The following RARB variants were observed in gnomAD, a reference collection of about 807,000 sequenced individuals.
The protein encoded by RARB is retinoic acid receptor beta.
In RARB, 17 loss-of-function variants were observed where a neutral mutation model predicts 51.9. The ratio of observed to expected loss-of-function variants is 0.33; its 90% CI spans 0.22 to 0.49. RARB has a LOEUF of 0.49. Ranked by LOEUF, RARB falls within the 20% of genes least tolerant of loss-of-function variation. The probability of loss-of-function intolerance (pLI) is 0.99; values close to 1 mark genes in which losing one functional copy is unlikely to be tolerated. For synonymous variants in RARB, 215 were observed against 195.4 expected (o/e 1.10, Z -0.84); for missense variants, 369 against 550.8 (o/e 0.67, Z 3.30).
intron 5 of RARB, among the ~76,000 whole-genome samples, chr3:25,204,906 C>T (rs993023193): frequency 9.2e-5 from 14 of 152,190 alleles, no homozygotes; most frequent in African/African-American, 3.4e-4. Context: ...TGTTCATTCT[C>T]AGATCTCAAG....
intron 2 of RARB, among the ~76,000 whole-genome samples, chr3:25,015,770 G>A (rs1427570330): frequency 6.6e-6 from 1 of 152,174 alleles, no homozygotes; most frequent in Admixed American, 6.5e-5. Context: ...CTATATGCAT[G>A]TGAATATGAA....
chr3:24,918,364 A>T (rs755278163), intron 2 of RARB, among the ~76,000 whole-genome samples: 38 of 152,218 alleles, frequency 2.5e-4, no homozygotes, highest in Non-Finnish European at 4.4e-4. Context: ...GAAAATGCAG[A>T]TCTATAGAGG....
At chr3:25,321,609 C>T (rs964505184) in intron 5 of RARB, among the ~76,000 whole-genome samples, 16 of 151,610 alleles carry the variant, frequency 1.1e-4, no homozygotes, top group African/African-American at 2.9e-4. Flanking sequence ...CCCAGCTACT[C>T]GGGAGGCTGA....
intron 5 of RARB, among the ~76,000 whole-genome samples, chr3:25,200,820 T>G (rs1034507313): frequency 1.3e-5 from 2 of 152,214 alleles, no homozygotes; most frequent in African/African-American, 4.8e-5. Flanking sequence ...TTGGTACCAG[T>G]ACCATACTGT....
At chr3:25,092,474 GTC>G (rs1219502119) in intron 3 of RARB, among the ~76,000 whole-genome samples, 1 of 151,990 alleles carries the variant, frequency 6.6e-6, no homozygotes, top group Non-Finnish European at 1.5e-5. Flanking sequence ...TAATCTAGTT[GTC>G]TCTCTTATTT....
At chr3:25,368,504 A>C (rs1323685995) in intron 5 of RARB, among the ~76,000 whole-genome samples, 11 of 152,198 alleles carry the variant, frequency 7.2e-5, no homozygotes, top group Admixed American at 7.2e-4. Flanking sequence ...TTATTTGTGC[A>C]CACACATACT....
intron 1 of RARB, among the ~76,000 whole-genome samples, chr3:24,837,182 C>T (rs1702355938): frequency 6.6e-6 from 1 of 152,182 alleles, no homozygotes; most frequent in Non-Finnish European, 1.5e-5. Context: ...GTGGAGAATA[C>T]TTTACTTGCA....
chr3:24,878,593 T>C (rs1425272675), intron 2 of RARB, among the ~76,000 whole-genome samples: 1 of 152,112 alleles, frequency 6.6e-6, no homozygotes, highest in Admixed American at 6.6e-5. Flanking sequence ...TCAGGGGCTA[T>C]TGTGTGCATT....
At chr3:25,129,540 T>G (rs765310316) in intron 3 of RARB, among the ~76,000 whole-genome samples, 2 of 152,096 alleles carry the variant, frequency 1.3e-5, no homozygotes, top group Non-Finnish European at 2.9e-5. Context: ...TACTTTCACT[T>G]TAACCCTTCA....
At chr3:25,000,553 T>G (rs1485540503) in intron 2 of RARB, among the ~76,000 whole-genome samples, 5 of 152,176 alleles carry the variant, frequency 3.3e-5, no homozygotes, top group African/African-American at 1.2e-4. Context: ...TACCCTTAGA[T>G]TTTAAAAATC....
chr3:24,937,792 GT>G (rs935224778), intron 2 of RARB, among the ~76,000 whole-genome samples: 10 of 152,022 alleles, frequency 6.6e-5, no homozygotes, highest in Non-Finnish European at 1.2e-4. Flanking sequence ...GGCATGCAGA[GT>G]TTTTTATTAA....
At chr3:24,832,071 G>A (rs995769072) in intron 1 of RARB, among the ~76,000 whole-genome samples, 4 of 152,104 alleles carry the variant, frequency 2.6e-5, no homozygotes, top group Non-Finnish European at 5.9e-5. Flanking sequence ...ATTGTGCATT[G>A]TTTTAACCTT....
At chr3:25,178,020 C>A (rs185745972) in intron 5 of RARB, among the ~76,000 whole-genome samples, 1 of 151,922 alleles carries the variant, frequency 6.6e-6, no homozygotes, top group Admixed American at 6.6e-5. Context: ...CAGGTTTCTC[C>A]CGGTCCACAT....
At chr3:25,368,657 C>T (rs1465900890) in intron 5 of RARB, among the ~76,000 whole-genome samples, 2 of 152,200 alleles carry the variant, frequency 1.3e-5, no homozygotes, top group African/African-American at 4.8e-5. Flanking sequence ...TGCTGACACA[C>T]AGTTCTAGCC....
intron 2 of RARB, among the ~76,000 whole-genome samples, chr3:24,859,058 G>T (rs75219810): frequency 1.7e-5 from 2 of 120,974 alleles, no homozygotes; most frequent in Non-Finnish European, 3.3e-5. Flanking sequence ...AAAAAAAAAA[G>T]AAAAAAAAAA....
chr3:25,085,363 T>C (rs573926228), intron 3 of RARB, among the ~76,000 whole-genome samples: 2 of 152,276 alleles, frequency 1.3e-5, no homozygotes, highest in East Asian at 3.9e-4. Flanking sequence ...TATACTTTTA[T>C]TTGCCATTTC....
intron 2 of RARB, among the ~76,000 whole-genome samples, chr3:24,919,711 A>G (rs1288495403): frequency 1.3e-5 from 2 of 152,178 alleles, no homozygotes; most frequent in Non-Finnish European, 2.9e-5. Context: ...TTCTAAAAGG[A>G]CCCAGAACAA....
chr3:25,078,534 A>ATTTTTTTTTTTTTTTTTTTTTTTTTTT (rs56349106), intron 3 of RARB, among the ~76,000 whole-genome samples: 1 of 141,292 alleles, frequency 7.1e-6, no homozygotes, highest in Non-Finnish European at 1.5e-5. Flanking sequence ...CCAACTTTCT[A>ATTTTTTTTTTTTTTTTTTTTTTTTTTT]TTTTTTTTTT....
At chr3:25,130,971 TTTA>T (rs1055627394) in intron 3 of RARB, among the ~76,000 whole-genome samples, 4 of 146,420 alleles carry the variant, frequency 2.7e-5, no homozygotes, top group East Asian at 2.0e-4. Flanking sequence ...ATTATCAATA[TTTA>T]TTATTGATAA....
Sources: gnomAD v4.1 joint callset for allele counts (sites outside exome capture counted in the v4.1 genomes callset) on GRCh38, gnomAD v4.1.1 for gene constraint, MANE v1.5 for transcripts, NCBI Gene and HGNC (gene_info 2026-07-23, HGNC 2026-07-21) for gene names.